Variants in DOK6 observed in about 807,000 individuals in gnomAD.
DOK6 encodes the protein downstream of tyrosine kinase 6.
DOK6 carries 22 observed loss-of-function variants against 44.0 expected under a neutral mutation model. That is an observed-to-expected ratio of 0.50 (90% CI 0.36 to 0.71). DOK6 has a LOEUF of 0.71. Among genes scored for constraint, DOK6 ranks in the 30% least tolerant of loss-of-function variants. The probability of loss-of-function intolerance (pLI) is 0.00; values close to 1 mark genes in which losing one functional copy is unlikely to be tolerated. For missense variants in DOK6, 340 were observed against 416.4 expected, an observed-to-expected ratio of 0.82 and a Z score of 1.60; for synonymous variants, 166 against 145.5, an observed-to-expected ratio of 1.14 and a Z score of -1.01.
At chr18:69,531,419 A>G (rs2144573577) in intron 1 of DOK6, among the ~76,000 whole-genome samples, 1 of 151,758 alleles carries the variant, frequency 6.6e-6, no homozygotes, top group East Asian at 1.9e-4. Context: ...AATAATAATT[A>G]TAACTGTCTA....
intron 7 of DOK6, among the ~76,000 whole-genome samples, chr18:69,758,754 CTG>C (rs1979443846): frequency 6.6e-6 from 1 of 152,152 alleles, no homozygotes. Flanking sequence ...AATAAAATAT[CTG>C]GGGAAAGTAT....
At chr18:69,419,670 A>G (rs548074183) in intron 1 of DOK6, among the ~76,000 whole-genome samples, 2 of 152,200 alleles carry the variant, frequency 1.3e-5, no homozygotes, top group East Asian at 3.9e-4. Flanking sequence ...TTAATTAAGG[A>G]TATATGCTAA....
chr18:69,820,890 T>C (rs927650609), intron 7 of DOK6, among the ~76,000 whole-genome samples: 1 of 151,766 alleles, frequency 6.6e-6, no homozygotes, highest in Non-Finnish European at 1.5e-5. Context: ...CTGGGACCTA[T>C]AGAAGGATAG....
chr18:69,585,032 A>G (rs1327535050), intron 2 of DOK6, among the ~76,000 whole-genome samples: 2 of 149,812 alleles, frequency 1.3e-5, no homozygotes, highest in African/African-American at 4.9e-5. Context: ...CATTTCATTG[A>G]TTTCTGCCCT....
chr18:69,784,031 CAA>C (rs1213653655), intron 7 of DOK6, among the ~76,000 whole-genome samples: 1 of 151,918 alleles, frequency 6.6e-6, no homozygotes, highest in African/African-American at 2.4e-5. Flanking sequence ...CCAAAAAATA[CAA>C]AAAATTAGCC....
At chr18:69,642,238 C>G (rs1221179780) in intron 3 of DOK6, among the ~76,000 whole-genome samples, 1 of 152,160 alleles carries the variant, frequency 6.6e-6, no homozygotes, top group Non-Finnish European at 1.5e-5. Flanking sequence ...AAATGCAATA[C>G]CATGATCACA....
intron 5 of DOK6, among the ~76,000 whole-genome samples, chr18:69,718,408 G>A (rs1986931435): frequency 6.6e-6 from 1 of 152,142 alleles, no homozygotes; most frequent in African/African-American, 2.4e-5. Flanking sequence ...CAGTTTCCAT[G>A]CAACAAGAAG....
intron 1 of DOK6, among the ~76,000 whole-genome samples, chr18:69,476,286 A>G (rs991230318): frequency 1.3e-5 from 2 of 152,186 alleles, no homozygotes; most frequent in Admixed American, 1.3e-4. Flanking sequence ...TTCTGGGTAT[A>G]CAGATATATG....
Position 69,725,764 on chromosome 18 carries a change from C to T in DOK6, c.600-13201C>T, listed in dbSNP as rs560741927. Among the ~76,000 whole-genome samples the T allele has an allele frequency of 1.0e-3, 152 of 152,242 alleles. 1 individual carries two copies. The highest frequency in any genetic ancestry group is 3.3e-3 in the African/African-American group (137 of 41,554). On this transcript the variant is annotated intron_variant, in intron 5 of 7. Coordinates refer to ENST00000382713, the MANE Select transcript of DOK6 (RefSeq NM_152721.6). ...GGCCTCCCAAAGTGCCGGGATTACACGCATGAGCCACCCCGCCCACCCCTG... is the reference window on the plus strand; with the variant it reads ...GGCCTCCCAAAGTGCCGGGATTACATGCATGAGCCACCCCGCCCACCCCTG...
intron 3 of DOK6, among the ~76,000 whole-genome samples, chr18:69,617,691 GAAA>G: frequency 8.5e-6 from 1 of 117,934 alleles, no homozygotes; most frequent in South Asian, 3.3e-4. Flanking sequence ...AAGAAAGAAA[GAAA>G]AGACGGAAAG....
chr18:69,784,485 A>C (rs1404262176), intron 7 of DOK6, among the ~76,000 whole-genome samples: 2 of 151,422 alleles, frequency 1.3e-5, no homozygotes, highest in African/African-American at 4.8e-5. Context: ...TTTAATATAA[A>C]AATATAAAAT....
intron 1 of DOK6, among the ~76,000 whole-genome samples, chr18:69,469,014 CCT>C (rs1251180744): frequency 1.3e-5 from 2 of 152,112 alleles, no homozygotes; most frequent in Non-Finnish European, 2.9e-5. Flanking sequence ...AAAATGATAT[CCT>C]CTCTATCTGA....
At chr18:69,766,177 G>A (rs372663299) in intron 7 of DOK6, among the ~76,000 whole-genome samples, 22 of 152,234 alleles carry the variant, frequency 1.4e-4, no homozygotes, top group African/African-American at 4.8e-4. Context: ...ACCAAATACC[G>A]CACATTCTCA....
At position 69,676,199 on chromosome 18, in the gene DOK6, C is replaced by A. The variant is rs111309949; in HGVS notation, c.290-1535C>A. On this transcript the variant is annotated intron_variant, in intron 3 of 7. Transcript: ENST00000382713. ...AACTGTACTTTCGTAAATAAAAGTG[C>A]TTCTCATGATAGGAACATTGGAACT... Among the ~76,000 whole-genome samples, 785 of 152,278 alleles carry A rather than the reference C, an allele frequency of 5.2e-3. 5 individuals are homozygous for A. The highest frequency in any genetic ancestry group is 0.018 in the African/African-American group (768 of 41,552).
chr18:69,715,360 C>T (rs1254645716), intron 5 of DOK6, among the ~76,000 whole-genome samples: 1 of 152,172 alleles, frequency 6.6e-6, no homozygotes, highest in Admixed American at 6.5e-5. Flanking sequence ...TTCTTTAAAA[C>T]TTTAAGACAG....
Position 69,844,947 on chromosome 18 carries a change from A to C in DOK6, c.*3564A>C, listed in dbSNP as rs1356755631. On this transcript the variant is annotated 3_prime_UTR_variant, in exon 8 of 8. Coordinates refer to ENST00000382713, the MANE Select transcript of DOK6 (RefSeq NM_152721.6). ...TGTACTTTCTATTCAGTGTAGAAAG[A>C]GTGGACTGATAAATAACTTTACATT... is the stretch of plus-strand genomic sequence containing the variant. 2 of 152,178 alleles carry C rather than the reference A, an allele frequency of 1.3e-5. No homozygotes were observed. Among genetic ancestry groups the C allele is most frequent in the African/African-American group, 2.4e-5 (1 of 41,438 alleles). 9.4% of individuals were successfully genotyped at this position (152,178 alleles called of 1,614,324 possible). A position where few individuals can be genotyped will look rare whatever the true frequency, so the allele number is the denominator to read the frequency against.
At chr18:69,589,337 T>C (rs1187011227) in intron 2 of DOK6, among the ~76,000 whole-genome samples, 1 of 152,078 alleles carries the variant, frequency 6.6e-6, no homozygotes, top group Non-Finnish European at 1.5e-5. Flanking sequence ...TATTTTACTC[T>C]CAAAAGTAAA....
intron 1 of DOK6, among the ~76,000 whole-genome samples, chr18:69,461,628 C>T (rs1293459753): frequency 4.6e-5 from 7 of 152,122 alleles, no homozygotes; most frequent in Admixed American, 2.0e-4. Context: ...TTATCTCACC[C>T]CACTTTTATT....
chr18:69,683,248 C>A (rs1036154338), intron 4 of DOK6, among the ~76,000 whole-genome samples: 4 of 151,900 alleles, frequency 2.6e-5, no homozygotes. Flanking sequence ...AAAGTGAGTT[C>A]CTGGAAATGC....
Sources: allele counts gnomAD v4.1 joint callset (sites outside exome capture counted in the v4.1 genomes callset), GRCh38; gene constraint gnomAD v4.1.1; transcripts MANE v1.5; gene names NCBI Gene and HGNC (gene_info 2026-07-23, HGNC 2026-07-21).